Variants in ETV6 observed in about 807,000 individuals in gnomAD.
ETV6 encodes the protein transcription factor ETV6.
Under a neutral mutation model 51.1 loss-of-function variants are expected in ETV6, and 16 were observed. That is an observed-to-expected ratio of 0.31 (90% CI 0.21 to 0.48). The LOEUF (loss-of-function observed/expected upper bound fraction) is 0.48, where lower values mean the gene tolerates loss of function less well. Among genes scored for constraint, ETV6 ranks in the 20% least tolerant of loss-of-function variants. The pLI is 0.99. For missense variants in ETV6, 458 were observed against 594.8 expected, an observed-to-expected ratio of 0.77 and a Z score of 2.39; for synonymous variants, 240 against 224.1, an observed-to-expected ratio of 1.07 and a Z score of -0.64.
At chr12:11,786,737 C>A (rs928249481) in intron 2 of ETV6, among the ~76,000 whole-genome samples, 1 of 152,154 alleles carries the variant, frequency 6.6e-6, no homozygotes, top group Non-Finnish European at 1.5e-5. Flanking sequence ...TACATTAATT[C>A]TTTGCATACA....
intron 2 of ETV6, among the ~76,000 whole-genome samples, chr12:11,787,889 G>T (rs914581431): frequency 6.6e-6 from 1 of 152,134 alleles, no homozygotes; most frequent in Non-Finnish European, 1.5e-5. Flanking sequence ...AGGAAGAAAA[G>T]GAAAGAGGAG....
At chr12:11,749,328 C>CACACACAA (rs1865973715) in intron 1 of ETV6, among the ~76,000 whole-genome samples, 1 of 143,486 alleles carries the variant, frequency 7.0e-6, no homozygotes, top group Admixed American at 6.8e-5. Flanking sequence ...CACACACACA[C>CACACACAA]ACACACACAC....
intron 4 of ETV6, among the ~76,000 whole-genome samples, chr12:11,859,846 T>G (rs1038132311): frequency 6.6e-6 from 1 of 152,206 alleles, no homozygotes; most frequent in Non-Finnish European, 1.5e-5. Flanking sequence ...GGGGCTACAG[T>G]GTGTGGCAGG....
At chr12:11,870,084 G>A (rs2136542097) in intron 5 of ETV6, 115 bp downstream of exon 5, 1 of 1,228,666 alleles carries the variant, frequency 8.1e-7, no homozygotes, top group Non-Finnish European at 1.1e-6. Flanking sequence ...GCCCTCCAAG[G>A]CTCTCTGAGG....
At chr12:11,654,443 G>C (rs370501216) in intron 1 of ETV6, among the ~76,000 whole-genome samples, 258 of 152,284 alleles carry the variant, frequency 1.7e-3, no homozygotes, top group African/African-American at 6.0e-3. Flanking sequence ...TTAGGCCACT[G>C]CATTCTCTGG....
At position 11,886,093 on chromosome 12, in the gene ETV6, G is replaced by T. The variant is rs762829143; in HGVS notation, c.1253+67G>T. The T allele has an allele frequency of 3.3e-4, 376 of 1,150,506 alleles. 1 individual carries two copies. Among genetic ancestry groups the T allele is most frequent in the Non-Finnish European group, 4.4e-4 (339 of 762,192 alleles). The allele number at this position is 1,150,506 out of a possible 1,614,324, so 71.3% of individuals were successfully genotyped here. A position where few individuals can be genotyped will look rare whatever the true frequency, so the allele number is the denominator to read the frequency against. On this transcript the variant is annotated intron_variant, in intron 7 of 7. Transcript: ENST00000396373. The stretch of plus-strand genomic sequence containing the variant: ...CTGTTTTCTTTAAATAACGGGGAGT[G>T]GGGGGAGACTGTTAAGATCTCTACC...
intron 1 of ETV6, chr12:11,751,699 G>A (rs1866031863): frequency 5.3e-6 from 2 of 374,756 alleles, no homozygotes; most frequent in East Asian, 1.4e-4. Flanking sequence ...CTTGATAAGG[G>A]GTCAAACAGT....
chr12:11,731,398 G>A (rs1434424852), intron 1 of ETV6, among the ~76,000 whole-genome samples: 1 of 149,470 alleles, frequency 6.7e-6, no homozygotes, highest in Non-Finnish European at 1.5e-5. Flanking sequence ...CATGTAGTAA[G>A]AATGCAGGAT....
intron 1 of ETV6, among the ~76,000 whole-genome samples, chr12:11,723,092 G>A (rs1865421692): frequency 6.6e-6 from 1 of 152,176 alleles, no homozygotes; most frequent in Non-Finnish European, 1.5e-5. Flanking sequence ...GTGTGACTGG[G>A]TAGTTGATAG....
rs765383087 is a variant in ETV6, at chr12:11,869,517, T to C, written c.557T>C (p.Ile186Thr). 1 of 1,614,012 alleles carries C rather than the reference T, an allele frequency of 6.2e-7. No individual in the cohort carries two copies. The highest frequency in any genetic ancestry group is 1.1e-5 in the South Asian group (1 of 91,062). ...IELLHRSRSP[I>T]TTNHRPSPDP... is the part of the protein sequence containing the mutation. ...CTGTTGCACCGCTCCAGGTCACCTA[T>C]CACGACAAATCACCGGCCTTCTCCT... The change falls in exon 5 of 8, where the codon ATC becomes ACC. Residue 186 changes from isoleucine to threonine, a missense_variant. This residue lies in a region of ETV6 where 293 missense variants were observed against 315.7 expected (regional missense o/e 0.93). Transcript: ENST00000396373. This position sits in a 1 kb window ranked among gnomAD's most constrained non-coding sequence, Gnocchi z 5.0.
At chr12:11,749,567 A>G (rs1220127685) in intron 1 of ETV6, among the ~76,000 whole-genome samples, 2 of 152,176 alleles carry the variant, frequency 1.3e-5, no homozygotes, top group Non-Finnish European at 2.9e-5. Context: ...AGATAGTGGT[A>G]TTTGGTTAAT....
Position 11,791,977 on chromosome 12 carries a change from G to A in ETV6, c.163+39398G>A, listed in dbSNP as rs537635472. ...AGTGAGACATTTTGAGAACCCCGTTGGGAGGGTCGTACACATCACTGATGG... is the reference window on the plus strand; with the variant it reads ...AGTGAGACATTTTGAGAACCCCGTTAGGAGGGTCGTACACATCACTGATGG... On this transcript the variant is annotated intron_variant, in intron 2 of 7. Coordinates refer to ENST00000396373, the MANE Select transcript of ETV6 (RefSeq NM_001987.5). Among the ~76,000 whole-genome samples the A allele has an allele frequency of 7.9e-5, 12 of 152,290 alleles. No individual in the cohort carries two copies. The South Asian group carries it at 8.3e-4, about 11-fold the overall frequency.
At chr12:11,717,692 G>A (rs895752315) in intron 1 of ETV6, among the ~76,000 whole-genome samples, 2 of 152,218 alleles carry the variant, frequency 1.3e-5, no homozygotes, top group African/African-American at 4.8e-5. Flanking sequence ...GAAAACGCAT[G>A]AGAATGCTTT....
At chr12:11,656,516 C>T (rs551403555) in intron 1 of ETV6, among the ~76,000 whole-genome samples, 3 of 152,266 alleles carry the variant, frequency 2.0e-5, no homozygotes, top group East Asian at 1.9e-4. Context: ...ACACAAGTAG[C>T]GGGGACAACC....
chr12:11,853,405 TCC>T lies in ETV6; in HGVS notation c.329-20_329-19del. On this transcript the variant is annotated intron_variant, in intron 3 of 7. Transcript: ENST00000396373. ...AAAAACATCTTTCCATTTCTCGATTTCCCTTTCCTTTTTCTTTCCAGGTGATG... is the reference window on the plus strand; with the variant it reads ...AAAAACATCTTTCCATTTCTCGATTTCTTTCCTTTTTCTTTCCAGGTGATG... 6.2e-7 allele frequency: 1 copy of T among 1,613,852 alleles called. No homozygotes were observed. Among genetic ancestry groups the T allele is most frequent in the Non-Finnish European group, 8.5e-7 (1 of 1,179,826 alleles).
At chr12:11,653,500 G>A (rs1025314176) in intron 1 of ETV6, among the ~76,000 whole-genome samples, 4 of 152,160 alleles carry the variant, frequency 2.6e-5, no homozygotes, top group African/African-American at 4.8e-5. Flanking sequence ...AGACTCTTTC[G>A]AGCTCCCCTT....
At chr12:11,748,066 A>G (rs976453363) in intron 1 of ETV6, among the ~76,000 whole-genome samples, 1 of 152,190 alleles carries the variant, frequency 6.6e-6, no homozygotes, top group African/African-American at 2.4e-5. Flanking sequence ...AAAATACTGA[A>G]TATTGCTGGC....
chr12:11,744,197 T>A (rs759979294), intron 1 of ETV6, among the ~76,000 whole-genome samples: 1 of 152,212 alleles, frequency 6.6e-6, no homozygotes. Context: ...GTGCCCTTGA[T>A]ACAACTAAAT....
intron 1 of ETV6, among the ~76,000 whole-genome samples, chr12:11,738,308 T>TTC (rs932049540): frequency 1.5e-3 from 7 of 4,802 alleles, no homozygotes; most frequent in African/African-American, 1.7e-3. Context: ...TTGTTTTTGC[T>TTC]TTTTTTTTTT....
Sources: allele counts gnomAD v4.1 joint callset (sites outside exome capture counted in the v4.1 genomes callset), GRCh38; gene constraint gnomAD v4.1.1; regional missense constraint gnomAD v4.1.1; non-coding constraint Gnocchi (gnomAD v3.1); transcripts MANE v1.5; gene names NCBI Gene and HGNC (gene_info 2026-07-23, HGNC 2026-07-21).